The following NADK variants were observed in gnomAD, a reference collection of about 807,000 sequenced individuals.
The protein encoded by NADK is poly(P)/ATP NAD kinase.
In NADK, 22 loss-of-function variants were observed where a neutral mutation model predicts 49.8. That is an observed-to-expected ratio of 0.44 (90% confidence interval 0.32 to 0.63). NADK has a LOEUF of 0.63. Among genes scored for constraint, NADK ranks in the 30% least tolerant of loss-of-function variants. The probability of loss-of-function intolerance (pLI) is 0.06; values close to 1 mark genes in which losing one functional copy is unlikely to be tolerated. For missense variants in NADK, 438 were observed against 609.4 expected (o/e 0.72, Z 2.96); for synonymous variants, 268 against 253.7 (o/e 1.06, Z -0.54).
chr1:1,753,736 G>C (rs1348616532), intron 10 of NADK, 87 bp from the exon 11 acceptor site: 6 of 1,250,870 alleles, frequency 4.8e-6, no homozygotes, highest in Admixed American at 2.0e-5. Context: ...GCCAGAGGTC[G>C]AAGGTTGGGC....
chr1:1,774,691 C>A (rs1377500765), intron 1 of NADK, among the ~76,000 whole-genome samples: 2 of 152,100 alleles, frequency 1.3e-5, no homozygotes, highest in Non-Finnish European at 2.9e-5. Context: ...TATTTTTTGA[C>A]AAGGGTGAGT....
At position 1,757,125 on chromosome 1, in the gene NADK, G is replaced by A. The variant is rs1302719082; in HGVS notation, c.393+56C>T. On this transcript the variant is annotated intron_variant, in intron 4 of 11. Coordinates refer to ENST00000341426, the MANE Select transcript of NADK (RefSeq NM_023018.5). The stretch of plus-strand genomic sequence containing the variant: ...GTCTCACGGGGCGGTGATGTGGATG[G>A]AGGCCCCCCCAACTCCATGTGCACC... 1.9e-6 allele frequency: 3 copies of A among 1,546,460 alleles called. 1 individual carries two copies. The South Asian group carries it at 3.6e-5, about 18-fold the overall frequency.
chr1:1,754,134 C>G lies in NADK; in HGVS notation c.1018G>C (p.Val340Leu). 6.2e-7 allele frequency: 1 copy of G among 1,611,840 alleles called. No homozygotes were observed. Among genetic ancestry groups the G allele is most frequent in the Non-Finnish European group, 8.5e-7 (1 of 1,179,378 alleles). ...AAGASMIHPN[V>L]PAIMITPICP... ...ATGGGCGTGATCATGATGGCCGGCA[C>G]GTTGGGGTGGATCATGGAGGCCCCG... The change falls in exon 10 of 12, where the codon GTG becomes CTG. Residue 340 changes from valine to leucine, a missense_variant. By Grantham distance (32) the Val-to-Leu change is conservative. Coordinates refer to ENST00000341426, the MANE Select transcript of NADK (RefSeq NM_023018.5). This position sits in a 1 kb window ranked among gnomAD's most constrained non-coding sequence, Gnocchi z 4.3.
intron 6 of NADK, among the ~76,000 whole-genome samples, 181 bp from the exon 7 acceptor site, chr1:1,755,657 C>T (rs1447641353): frequency 6.6e-6 from 1 of 152,178 alleles, no homozygotes; most frequent in African/African-American, 2.4e-5. Context: ...GGCCGGGCCA[C>T]CAGGGCCAAG....
intron 1 of NADK, among the ~76,000 whole-genome samples, chr1:1,776,646 G>A (rs1026261757): frequency 4.6e-5 from 7 of 151,934 alleles, no homozygotes; most frequent in African/African-American, 7.3e-5. Context: ...GGTGGTGGGC[G>A]CCTGTAATCC....
intron 2 of NADK, among the ~76,000 whole-genome samples, chr1:1,762,664 A>G (rs2011384): frequency 0.84 from 127,659 of 152,132 alleles, 55,208 homozygotes; most frequent in Non-Finnish European, 0.95. Context: ...GGCTGAGGCA[A>G]GAGAACTGCT....
intron 1 of NADK, among the ~76,000 whole-genome samples, chr1:1,769,597 G>A (rs185474636): frequency 7.9e-5 from 12 of 152,124 alleles, no homozygotes; most frequent in East Asian, 3.9e-4. Flanking sequence ...GTGTGGTGGC[G>A]CGTGCCTGTA....
intron 1 of NADK, among the ~76,000 whole-genome samples, chr1:1,768,154 A>G (rs1423359889): frequency 2.0e-5 from 3 of 149,480 alleles, no homozygotes; most frequent in Admixed American, 6.7e-5. Context: ...CTGGGCCACA[A>G]GAGCAAAACT....
chr1:1,759,881 T>C, intron 3 of NADK: 1 of 1,550,612 alleles, frequency 6.4e-7, no homozygotes, highest in Non-Finnish European at 8.7e-7. Flanking sequence ...GCAGCTGAGA[T>C]GCGAGTGACA....
chr1:1,761,903 G>C (rs776791539), intron 3 of NADK, 49 bp downstream of exon 3: 138 of 1,565,030 alleles, frequency 8.8e-5, no homozygotes, highest in Non-Finnish European at 6.6e-5. Flanking sequence ...GATGGTCTAG[G>C]GGTTCTCTCC....
At chr1:1,771,973 ATT>A (rs34024968) in intron 1 of NADK, among the ~76,000 whole-genome samples, 7 of 143,454 alleles carry the variant, frequency 4.9e-5, no homozygotes, top group African/African-American at 5.2e-5. Context: ...ACACCTGGAA[ATT>A]TTTTTTTTTT....
intron 3 of NADK, among the ~76,000 whole-genome samples, chr1:1,760,810 T>C (rs1645698127): frequency 6.6e-6 from 1 of 152,094 alleles, no homozygotes; most frequent in African/African-American, 2.4e-5. Context: ...AGGTGCAGAA[T>C]ACGACTCTCA....
intron 6 of NADK, chr1:1,755,930 G>T: frequency 2.0e-6 from 1 of 499,690 alleles, no homozygotes; most frequent in Non-Finnish European, 3.6e-6. Context: ...GAGCTGTGCT[G>T]CTGAGAAACC....
At chr1:1,776,037 C>A (rs1009729223) in intron 1 of NADK, among the ~76,000 whole-genome samples, 1 of 152,132 alleles carries the variant, frequency 6.6e-6, no homozygotes, top group Non-Finnish European at 1.5e-5. Context: ...CAGCCTCCCC[C>A]CAAGTGCTGG....
At chr1:1,758,505 C>T (rs1382586950) in intron 3 of NADK, 13 of 1,610,438 alleles carry the variant, frequency 8.1e-6, no homozygotes, top group Middle Eastern at 1.7e-4. Context: ...ATCCAGGCCA[C>T]GCTTGGCGAA....
At chr1:1,753,186 C>T (rs1206410477) in intron 11 of NADK, 126 bp from the exon 12 acceptor site, 7 of 1,228,548 alleles carry the variant, frequency 5.7e-6, no homozygotes, top group Non-Finnish European at 7.9e-6. Flanking sequence ...GGCAGCCCCT[C>T]CCCGAGGCAG....
At chr1:1,769,190 G>A (rs1197433707) in intron 1 of NADK, among the ~76,000 whole-genome samples, 1 of 152,196 alleles carries the variant, frequency 6.6e-6, no homozygotes, top group Non-Finnish European at 1.5e-5. Flanking sequence ...GACCAAGGTG[G>A]GCGGATCACT....
At chr1:1,769,139 G>A (rs180915060) in intron 1 of NADK, among the ~76,000 whole-genome samples, 3 of 152,332 alleles carry the variant, frequency 2.0e-5, no homozygotes, top group East Asian at 1.9e-4. Flanking sequence ...CATACCAGGC[G>A]GGATGTGGTG....
chr1:1,759,671 GGCGTGCTCCCATGGGGGTGCCGAGAAA>G, intron 3 of NADK: 1 of 1,504,208 alleles, frequency 6.6e-7, no homozygotes, highest in African/African-American at 1.4e-5. Flanking sequence ...GCCCAGAGGG[GGCGTGCTCCCATGGGGGTGCCGAGAAA>G]GCTGCATGCC....
Sources: allele counts gnomAD v4.1 joint callset (sites outside exome capture counted in the v4.1 genomes callset), GRCh38; gene constraint gnomAD v4.1.1; non-coding constraint Gnocchi (gnomAD v3.1); transcripts MANE v1.5; gene names NCBI Gene and HGNC (gene_info 2026-07-23, HGNC 2026-07-21).